DCTD: variants seen among roughly 807,000 people sequenced by gnomAD.
The protein encoded by DCTD is dCMP deaminase, also known as deoxycytidylate deaminase.
Under a neutral mutation model 21.0 loss-of-function variants are expected in DCTD, and 23 were observed. That is an observed-to-expected ratio of 1.09 (90% CI 0.79 to 1.55). The LOEUF is 1.55. Among genes scored for constraint, DCTD ranks in the 40% most tolerant of loss-of-function variants. DCTD has a pLI of 0.00. For missense variants in DCTD, 224 were observed against 230.0 expected (o/e 0.97, Z 0.17); for synonymous variants, 71 against 81.1 (o/e 0.88, Z 0.67).
chr4:182,909,337 C>G (rs1737278081), intron 3 of DCTD, among the ~76,000 whole-genome samples: 1 of 152,088 alleles, frequency 6.6e-6, no homozygotes, highest in Non-Finnish European at 1.5e-5. Flanking sequence ...TATCTGAAAC[C>G]CCACACGATC....
At position 182,917,242 on chromosome 4, in the gene DCTD, G is replaced by T; in HGVS notation, c.-8+69C>A. On this transcript the variant is annotated intron_variant, in intron 1 of 5. Coordinates refer to ENST00000438320, the MANE Select transcript of DCTD (RefSeq NM_001921.3). The surrounding 1 kb of genome is among the most constrained non-coding windows in gnomAD (Gnocchi z 4.9). The stretch of plus-strand genomic sequence containing the variant: ...AGCCAGCGCCCCGCGCCACGCGCTC[G>T]GGACGGTGCCACGCGGCGGTGGCTA... 2 of 1,005,632 alleles carry T rather than the reference G, an allele frequency of 2.0e-6. No individual in the cohort carries two copies. Among genetic ancestry groups the T allele is most frequent in the South Asian group, 4.5e-5 (1 of 22,198 alleles). The allele number at this position is 1,005,632 out of a possible 1,614,324, so 62.3% of individuals were successfully genotyped here. A position where few individuals can be genotyped will look rare whatever the true frequency, so the allele number is the denominator to read the frequency against.
intron 3 of DCTD, among the ~76,000 whole-genome samples, chr4:182,898,682 G>A (rs905105265): frequency 3.9e-5 from 6 of 152,084 alleles, no homozygotes; most frequent in Non-Finnish European, 5.9e-5. Context: ...CTGTAAGCAT[G>A]CATACTTAGT....
chr4:182,900,316 A>C (rs927096391), intron 3 of DCTD, among the ~76,000 whole-genome samples: 1 of 151,024 alleles, frequency 6.6e-6, no homozygotes. Flanking sequence ...ACCCCATCTC[A>C]GAAAAAAAAA....
chr4:182,897,506 CCATA>C (rs1734947703), intron 3 of DCTD, among the ~76,000 whole-genome samples: 1 of 120,978 alleles, frequency 8.3e-6, no homozygotes, highest in South Asian at 2.5e-4. Context: ...TATTTAGCAC[CCATA>C]TATATATATA....
chr4:182,905,789 A>T (rs1250028835), intron 3 of DCTD, among the ~76,000 whole-genome samples: 1 of 152,086 alleles, frequency 6.6e-6, no homozygotes, highest in East Asian at 1.9e-4. Flanking sequence ...ACTAATCCCC[A>T]ACTCATACAC....
chr4:182,914,357 C>T (rs959960719), intron 3 of DCTD, among the ~76,000 whole-genome samples: 6 of 152,190 alleles, frequency 3.9e-5, no homozygotes, highest in Non-Finnish European at 8.8e-5. Context: ...ATTGCAGCAT[C>T]CCCTGTAACT....
At chr4:182,900,224 G>A (rs142963808) in intron 3 of DCTD, among the ~76,000 whole-genome samples, 2,147 of 152,218 alleles carry the variant, frequency 0.014, 20 homozygotes, top group Middle Eastern at 0.027. Flanking sequence ...GCTGAGGTGG[G>A]AGGACTGCTT....
At chr4:182,898,421 G>A (rs1413268526) in intron 3 of DCTD, among the ~76,000 whole-genome samples, 1 of 152,240 alleles carries the variant, frequency 6.6e-6, no homozygotes, top group East Asian at 1.9e-4. Context: ...CAGTGGATCT[G>A]AGAAAGTGCA....
intron 3 of DCTD, among the ~76,000 whole-genome samples, chr4:182,905,326 CTTTTTTTT>C (rs70956544): frequency 8.2e-6 from 1 of 121,576 alleles, no homozygotes; most frequent in Non-Finnish European, 1.7e-5. Context: ...AGCCCGCCTT[CTTTTTTTT>C]TTTTTTTTTT....
chr4:182,915,414 C>T (rs577878459), intron 2 of DCTD, 47 bp downstream of exon 2: 18 of 1,247,918 alleles, frequency 1.4e-5, no homozygotes, highest in Non-Finnish European at 2.1e-5. Context: ...GTGCAGTAAT[C>T]TCTTTGCCTG....
rs1579652680 is a variant in DCTD at position 182,892,903 on chromosome 4, GC to G, written c.458+127del. On this transcript the variant is annotated intron_variant, in intron 5 of 5. Coordinates refer to ENST00000438320, the MANE Select transcript of DCTD (RefSeq NM_001921.3). ...CCTATAATAGTCTTTAAATTCTTATGCCCTTGCATTTCTAAAGACACCTCCA... is the reference window on the plus strand; with the variant it reads ...CCTATAATAGTCTTTAAATTCTTATGCCTTGCATTTCTAAAGACACCTCCA... 1.2e-5 allele frequency: 8 copies of G among 645,274 alleles called. No individual in the cohort carries two copies. The East Asian group carries it at 2.2e-4, about 17-fold the overall frequency. The allele number at this position is 645,274 out of a possible 1,614,324, so 40.0% of individuals were successfully genotyped here.
In DCTD at chr4:182,917,048, G is replaced by A. The variant is rs1738866172; in HGVS notation, c.-8+263C>T. ...TCAGACGCCCAGCACCACCTCCCGG[G>A]GCACTCCAAGGGGCCCGGCCTCGCA... On this transcript the variant is annotated intron_variant, in intron 1 of 5. Transcript: ENST00000438320. This position sits in a 1 kb window ranked among gnomAD's most constrained non-coding sequence, Gnocchi z 4.9. The A allele has an allele frequency of 1.0e-6, 1 of 987,780 alleles. No individual in the cohort carries two copies. The highest frequency in any genetic ancestry group is 1.7e-5 in the African/African-American group (1 of 57,292). 61.2% of individuals were successfully genotyped at this position (987,780 alleles called of 1,614,324 possible). A position where few individuals can be genotyped will look rare whatever the true frequency, so the allele number is the denominator to read the frequency against.
intron 3 of DCTD, among the ~76,000 whole-genome samples, chr4:182,895,242 TG>T (rs1004322976): frequency 1.3e-5 from 2 of 152,204 alleles, no homozygotes; most frequent in Admixed American, 6.5e-5. Context: ...GCTAATTTTT[TG>T]TATCTTTTGT....
chr4:182,907,504 T>G (rs1026261425), intron 3 of DCTD, among the ~76,000 whole-genome samples: 6 of 152,204 alleles, frequency 3.9e-5, no homozygotes, highest in Non-Finnish European at 7.4e-5. Context: ...TGCATGTCTG[T>G]GGAGTAACCT....
rs923973867 is a variant in DCTD at position 182,897,449 on chromosome 4, C to A, written c.245-2844G>T. ...GGACTTTCAGTACTTCCCAACATCA[C>A]CATGAATAACTGGAATCTGCATTTC... On this transcript the variant is annotated intron_variant, in intron 3 of 5. Transcript: ENST00000438320. 2.0e-5 allele frequency among the ~76,000 whole-genome samples: 3 copies of A among 150,568 alleles called. No homozygotes were observed. In the East Asian group the frequency reaches 5.8e-4, roughly 29 times the overall value.
intron 1 of DCTD, chr4:182,916,831 T>C: frequency 1.8e-6 from 2 of 1,090,606 alleles, no homozygotes; most frequent in Non-Finnish European, 2.3e-6. Flanking sequence ...GAACGCCCAC[T>C]AGAGCCCTGT....
intron 3 of DCTD, among the ~76,000 whole-genome samples, chr4:182,911,933 G>C (rs1737754295): frequency 6.6e-6 from 1 of 152,122 alleles, no homozygotes; most frequent in African/African-American, 2.4e-5. Flanking sequence ...GCATTTAAAA[G>C]AGGGTCCTGT....
At chr4:182,907,986 C>T (rs1561337931) in intron 3 of DCTD, among the ~76,000 whole-genome samples, 1 of 151,362 alleles carries the variant, frequency 6.6e-6, no homozygotes, top group Non-Finnish European at 1.5e-5. Flanking sequence ...CACTATGGGG[C>T]TTTACTTAGC....
chr4:182,897,583 G>A (rs1218541800), intron 3 of DCTD, among the ~76,000 whole-genome samples: 1 of 151,892 alleles, frequency 6.6e-6, no homozygotes, highest in Non-Finnish European at 1.5e-5. Context: ...GTACACATGA[G>A]ACTCTAAAAG....
Sources: gnomAD v4.1 joint callset for allele counts (sites outside exome capture counted in the v4.1 genomes callset) on GRCh38, gnomAD v4.1.1 for gene constraint, Gnocchi (gnomAD v3.1) non-coding constraint, MANE v1.5 for transcripts, NCBI Gene and HGNC (gene_info 2026-07-23, HGNC 2026-07-21) for gene names.